The following FBLN5 variants were observed in gnomAD, a reference collection of about 807,000 sequenced individuals.
The protein encoded by FBLN5 is fibulin 5.
In FBLN5, 24 loss-of-function variants were observed where a neutral mutation model predicts 61.6. The ratio of observed to expected loss-of-function variants is 0.39; its 90% CI spans 0.28 to 0.55. FBLN5 has a LOEUF of 0.55. Ranked by LOEUF, FBLN5 falls within the 20% of genes least tolerant of loss-of-function variation. The probability of loss-of-function intolerance (pLI) is 0.65; values close to 1 mark genes in which losing one functional copy is unlikely to be tolerated. For synonymous variants in FBLN5, 213 were observed against 219.8 expected (o/e 0.97, Z 0.27); for missense variants, 470 against 594.1 (o/e 0.79, Z 2.17).
chr14:91,899,049 G>T (rs185018631), intron 4 of FBLN5, among the ~76,000 whole-genome samples: 1 of 151,878 alleles, frequency 6.6e-6, no homozygotes, highest in African/African-American at 2.4e-5. Context: ...TGATCTGCCC[G>T]CATCGGCCTC....
At chr14:91,915,636 G>A (rs1332254537) in intron 4 of FBLN5, among the ~76,000 whole-genome samples, 16 of 122,786 alleles carry the variant, frequency 1.3e-4, no homozygotes, top group Middle Eastern at 9.3e-3. Flanking sequence ...GCAGTGAGCC[G>A]ATATCACGCC....
chr14:91,947,370 GGA>G lies in FBLN5; in HGVS notation c.-143_-142del, dbSNP rs1369294453. On this transcript the variant is annotated 5_prime_UTR_variant, in exon 1 of 11. Coordinates refer to ENST00000342058, the MANE Select transcript of FBLN5 (RefSeq NM_006329.4). This position sits in a 1 kb window ranked among gnomAD's most constrained non-coding sequence, Gnocchi z 4.3. ...ATTCCAGAGGGGCCGAGCGAGTCGT[GGA>G]GAGGACACGGGGAGAGCGCCGGGGT... The G allele has an allele frequency of 1.1e-6, 1 of 938,826 alleles. No homozygotes were observed. Among genetic ancestry groups the G allele is most frequent in the East Asian group, 2.6e-5 (1 of 38,490 alleles). The allele number at this position is 938,826 out of a possible 1,614,324, so 58.2% of individuals were successfully genotyped here.
intron 4 of FBLN5, among the ~76,000 whole-genome samples, chr14:91,915,855 C>G (rs1053430716): frequency 7.2e-5 from 11 of 152,060 alleles, no homozygotes; most frequent in African/African-American, 1.2e-4. Flanking sequence ...TTAGACCATT[C>G]TAACTTTCCA....
At chr14:91,901,748 G>A (rs1890461030) in intron 4 of FBLN5, among the ~76,000 whole-genome samples, 1 of 152,234 alleles carries the variant, frequency 6.6e-6, no homozygotes, top group Non-Finnish European at 1.5e-5. Context: ...ATCTCTAGGA[G>A]CCAGATCTTT....
chr14:91,922,351 T>C (rs1241741882), intron 4 of FBLN5, among the ~76,000 whole-genome samples: 3 of 146,868 alleles, frequency 2.0e-5, no homozygotes, highest in East Asian at 3.9e-4. Flanking sequence ...AATAAATAAA[T>C]AAATAAAATG....
chr14:91,872,406 G>A (rs1888982262), intron 10 of FBLN5, among the ~76,000 whole-genome samples: 1 of 152,190 alleles, frequency 6.6e-6, no homozygotes, highest in South Asian at 2.1e-4. Flanking sequence ...GGATGGGCTG[G>A]ACAATCACTT....
rs778454244 is a variant in FBLN5, at chr14:91,887,281, G to A, written c.651C>T (p.Cys217=). Residue 217 remains cysteine (C), a synonymous_variant, in exon 7 of 11, where the codon TGC becomes TGT. Transcript: ENST00000342058. ...DVNECATENP[C]VQTCVNTYGS... ...CGTAGGTGTTGACGCAGGTTTGCAC[G>A]CAGGGGTTCTCGGTGGCACACTCGT... 1.8e-5 allele frequency: 29 copies of A among 1,613,300 alleles called. No individual in the cohort carries two copies. The highest frequency in any genetic ancestry group is 2.7e-5 in the African/African-American group (2 of 74,814).
intron 4 of FBLN5, among the ~76,000 whole-genome samples, chr14:91,903,779 G>A (rs1336488939): frequency 1.3e-5 from 2 of 152,118 alleles, no homozygotes; most frequent in Non-Finnish European, 1.5e-5. Context: ...GCCATGGCCA[G>A]GCAGTTCTTC....
Position 91,882,519 on chromosome 14 carries a change from C to A in FBLN5, c.862+435G>T, listed in dbSNP as rs1377459235. ...AGTCAGGTGCATGAGGTCTCCCTGGCAACCATGCTCTAGGAGATCACTTGG... is the reference window on the plus strand; with the variant it reads ...AGTCAGGTGCATGAGGTCTCCCTGGAAACCATGCTCTAGGAGATCACTTGG... On this transcript the variant is annotated intron_variant, in intron 8 of 10. Transcript: ENST00000342058. The surrounding 1 kb of genome is among the most constrained non-coding windows in gnomAD (Gnocchi z 4.9). Among the ~76,000 whole-genome samples, 1 of 152,202 alleles carries A rather than the reference C, an allele frequency of 6.6e-6. No homozygotes were observed. The highest frequency in any genetic ancestry group is 6.5e-5 in the Admixed American group (1 of 15,286).
intron 4 of FBLN5, among the ~76,000 whole-genome samples, chr14:91,901,990 A>G (rs1431273270): frequency 6.6e-6 from 1 of 152,222 alleles, no homozygotes; most frequent in East Asian, 1.9e-4. Flanking sequence ...CCTTCAAGCT[A>G]TGATCTTCTA....
intron 4 of FBLN5, among the ~76,000 whole-genome samples, chr14:91,926,807 C>T (rs985972711): frequency 1.3e-5 from 2 of 151,680 alleles, no homozygotes; most frequent in African/African-American, 4.8e-5. Context: ...GGGCAGTGGA[C>T]GGGTGGGAGT....
chr14:91,901,228 G>A (rs756393379), intron 4 of FBLN5, among the ~76,000 whole-genome samples: 8 of 152,132 alleles, frequency 5.3e-5, no homozygotes, highest in Non-Finnish European at 8.8e-5. Flanking sequence ...CTGTGAACAG[G>A]CAAGGTCTGA....
chr14:91,923,159 G>T (rs2055770773), intron 4 of FBLN5, among the ~76,000 whole-genome samples: 1 of 152,158 alleles, frequency 6.6e-6, no homozygotes, highest in South Asian at 2.1e-4. Context: ...CTCTCATGCA[G>T]ATGTGAACTG....
At chr14:91,897,055 A>C (rs1012477356) in intron 4 of FBLN5, among the ~76,000 whole-genome samples, 3 of 151,808 alleles carry the variant, frequency 2.0e-5, no homozygotes, top group Non-Finnish European at 4.4e-5. Context: ...ATCAGTCCCC[A>C]CCCTACCCCA....
At chr14:91,891,478 T>A in intron 5 of FBLN5, 141 bp from the exon 6 acceptor site, 1 of 733,968 alleles carries the variant, frequency 1.4e-6, no homozygotes, top group Admixed American at 1.8e-5. Flanking sequence ...CAGTGCCTAC[T>A]GAGTGTCACG....
chr14:91,944,380 T>C (rs994222669), intron 1 of FBLN5, among the ~76,000 whole-genome samples: 2 of 152,216 alleles, frequency 1.3e-5, no homozygotes, highest in African/African-American at 2.4e-5. Context: ...GCAGTCTCTA[T>C]GGAAAACAGT....
chr14:91,942,400 A>G (rs1405718012), intron 2 of FBLN5, among the ~76,000 whole-genome samples: 1 of 152,240 alleles, frequency 6.6e-6, no homozygotes, highest in Non-Finnish European at 1.5e-5. Flanking sequence ...GTGGCAACAC[A>G]TGCAGACCCG....
In FBLN5 at chr14:91,943,333, AC is replaced by A. The variant is rs571373753; in HGVS notation, c.18-373del. On this transcript the variant is annotated intron_variant, in intron 1 of 10. Coordinates refer to ENST00000342058, the MANE Select transcript of FBLN5 (RefSeq NM_006329.4). This position sits in a 1 kb window ranked among gnomAD's most constrained non-coding sequence, Gnocchi z 4.0. ...AGACAAGCCTGGGCAACATGGTGAA[AC>A]CCCATTTCTACAAAATTAAAAAAAA... 4.6e-5 allele frequency among the ~76,000 whole-genome samples: 7 copies of A among 151,672 alleles called. No individual in the cohort carries two copies. Among genetic ancestry groups the A allele is most frequent in the Non-Finnish European group, 1.0e-4 (7 of 67,896 alleles).
chr14:91,911,352 G>A (rs140516570), intron 4 of FBLN5, among the ~76,000 whole-genome samples: 19 of 152,250 alleles, frequency 1.2e-4, no homozygotes, highest in Admixed American at 5.9e-4. Context: ...TCGTTTCCTC[G>A]TTTGTGAAAG....
Sources: allele counts gnomAD v4.1 joint callset (sites outside exome capture counted in the v4.1 genomes callset), GRCh38; gene constraint gnomAD v4.1.1; non-coding constraint Gnocchi (gnomAD v3.1); transcripts MANE v1.5; gene names NCBI Gene and HGNC (gene_info 2026-07-23, HGNC 2026-07-21).